ARPC4: variants seen among roughly 807,000 people sequenced by gnomAD.
The protein encoded by ARPC4 is actin related protein 2/3 complex subunit 4.
ARPC4 carries 3 observed loss-of-function variants against 22.8 expected under a neutral mutation model. The ratio of observed to expected loss-of-function variants is 0.13; its 90% CI spans 0.06 to 0.34. The LOEUF is 0.34. Ranked by LOEUF, ARPC4 falls within the 10% of genes least tolerant of loss-of-function variation. ARPC4 has a pLI of 1.00. For missense variants in ARPC4, 98 were observed against 211.0 expected, an observed-to-expected ratio of 0.46 and a Z score of 3.32; for synonymous variants, 80 against 72.5, an observed-to-expected ratio of 1.10 and a Z score of -0.52.
Position 9,800,182 on chromosome 3 carries a change from C to G in ARPC4, c.123-3C>G. On this transcript the variant is annotated splice_region_variant and splice_polypyrimidine_tract_variant and intron_variant, in intron 2 of 5. Transcript: ENST00000397261. ...CAAGTACTCTGTCACATTATGTTTTCAGGAGTAGCAAAGAGCTCCTGTTAC... is the reference window on the plus strand; with the variant it reads ...CAAGTACTCTGTCACATTATGTTTTGAGGAGTAGCAAAGAGCTCCTGTTAC... The G allele has an allele frequency of 6.2e-7, 1 of 1,613,894 alleles. No homozygotes were observed. The highest frequency in any genetic ancestry group is 8.5e-7 in the Non-Finnish European group (1 of 1,179,912).
intron 4 of ARPC4, 143 bp downstream of exon 4, chr3:9,801,899 A>G (rs1284820782): frequency 3.3e-6 from 3 of 902,512 alleles, no homozygotes; most frequent in Non-Finnish European, 4.9e-6. Context: ...AGTGGGAGCA[A>G]AGAGGATTAG....
chr3:9,804,445 A>G (rs2079069757), intron 5 of ARPC4, among the ~76,000 whole-genome samples: 1 of 152,228 alleles, frequency 6.6e-6, no homozygotes, highest in Non-Finnish European at 1.5e-5. Context: ...TCAGGCTTAA[A>G]TCATGATTCC....
rs114789498 is a variant in ARPC4, at chr3:9,804,508, C to G, written c.501+495C>G. ...GCGTAAGTCCTCCAGATTCCTCTTACGTTGTTTATGTCTTTCTAATTGAAA... is the reference window on the plus strand; with the variant it reads ...GCGTAAGTCCTCCAGATTCCTCTTAGGTTGTTTATGTCTTTCTAATTGAAA... On this transcript the variant is annotated intron_variant, in intron 5 of 5. Transcript: ENST00000397261. Among the ~76,000 whole-genome samples, 418 of 152,320 alleles carry G rather than the reference C, an allele frequency of 2.7e-3. 2 individuals are homozygous for G. Among genetic ancestry groups the G allele is most frequent in the African/African-American group, 9.7e-3 (404 of 41,564 alleles).
chr3:9,797,871 T>A, intron 2 of ARPC4, 94 bp downstream of exon 2: 1 of 1,256,934 alleles, frequency 8.0e-7, no homozygotes, highest in Non-Finnish European at 1.1e-6. Flanking sequence ...CCTGCAGTAG[T>A]CAGGAAAGCT....
chr3:9,803,170 A>T (rs1434332407), intron 4 of ARPC4, among the ~76,000 whole-genome samples: 1 of 152,228 alleles, frequency 6.6e-6, no homozygotes, highest in Non-Finnish European at 1.5e-5. Context: ...GGCGTGAGCC[A>T]CCGCGCCCGG....
intron 4 of ARPC4, among the ~76,000 whole-genome samples, chr3:9,802,415 G>A (rs1177443): frequency 2.1e-5 from 3 of 146,248 alleles, no homozygotes; most frequent in Non-Finnish European, 4.5e-5. Context: ...TCGCTCTGTC[G>A]CCCAGGCTGG....
chr3:9,796,636 C>G (rs1575322228), intron 1 of ARPC4, among the ~76,000 whole-genome samples: 1 of 152,068 alleles, frequency 6.6e-6, no homozygotes, highest in Non-Finnish European at 1.5e-5. Flanking sequence ...AAGCTAATCC[C>G]TCTCCTAAGA....
chr3:9,806,640 C>T lies in ARPC4; in HGVS notation c.*425C>T, dbSNP rs2125653855. 5.1e-6 allele frequency: 1 copy of T among 195,810 alleles called. No individual in the cohort carries two copies. Among genetic ancestry groups the T allele is most frequent in the Middle Eastern group, 2.3e-3 (1 of 430 alleles). 12.1% of individuals were successfully genotyped at this position (195,810 alleles called of 1,614,324 possible). A position where few individuals can be genotyped will look rare whatever the true frequency, so the allele number is the denominator to read the frequency against. ...AGCCAGAAGGCGACTTATTTTTTCT[C>T]TCCTATGCCACCCCAGGTGGGGAGG... On this transcript the variant is annotated 3_prime_UTR_variant, in exon 6 of 6. Transcript: ENST00000397261.
intron 2 of ARPC4, 43 bp downstream of exon 2, chr3:9,797,820 A>G: frequency 4.4e-6 from 7 of 1,583,860 alleles, no homozygotes; most frequent in Non-Finnish European, 6.0e-6. Flanking sequence ...GGTGCAGCAC[A>G]CAGAGATGGC....
intron 1 of ARPC4, among the ~76,000 whole-genome samples, chr3:9,794,323 C>G (rs2078831157): frequency 6.6e-6 from 1 of 152,038 alleles, no homozygotes; most frequent in African/African-American, 2.4e-5. Flanking sequence ...CACGGTGAAA[C>G]CTCTTCTCTA....
Position 9,803,791 on chromosome 3 carries a change from C to T in ARPC4, c.331-52C>T, listed in dbSNP as rs1387038507. 8.3e-6 allele frequency: 13 copies of T among 1,572,206 alleles called. No homozygotes were observed. The East Asian group carries it at 2.5e-4, about 30-fold the overall frequency. On this transcript the variant is annotated intron_variant, in intron 4 of 5. Transcript: ENST00000397261. ...TGACCAGCTCAGTTCCCATGGGGTGCTAATTCTCTCCTGTTCCTTCTCTTC... is the reference window on the plus strand; with the variant it reads ...TGACCAGCTCAGTTCCCATGGGGTGTTAATTCTCTCCTGTTCCTTCTCTTC...
At chr3:9,795,311 A>G (rs764640310) in intron 1 of ARPC4, among the ~76,000 whole-genome samples, 2 of 151,934 alleles carry the variant, frequency 1.3e-5, no homozygotes, top group Non-Finnish European at 1.5e-5. Context: ...TTTCAGTTCC[A>G]TTATCCACTC....
Position 9,793,134 on chromosome 3 carries a change from C to T in ARPC4, c.3+10C>T. 2 of 1,541,608 alleles carry T rather than the reference C, an allele frequency of 1.3e-6. No individual in the cohort carries two copies. Among genetic ancestry groups the T allele is most frequent in the Non-Finnish European group, 1.8e-6 (2 of 1,142,348 alleles). On this transcript the variant is annotated intron_variant, in intron 1 of 5. Coordinates refer to ENST00000397261, the MANE Select transcript of ARPC4 (RefSeq NM_005718.5). ...GCCAGCGCCCGCGATGGTGAGAGAGCCGGGCCCCCGGCCAGGGACCCCCGG... is the reference window on the plus strand; with the variant it reads ...GCCAGCGCCCGCGATGGTGAGAGAGTCGGGCCCCCGGCCAGGGACCCCCGG...
chr3:9,797,165 C>T (rs779204344), intron 1 of ARPC4, among the ~76,000 whole-genome samples: 1 of 152,136 alleles, frequency 6.6e-6, no homozygotes, highest in African/African-American at 2.4e-5. Flanking sequence ...TAGCTCAGTG[C>T]GTGGCAAACA....
At chr3:9,796,199 G>A (rs1216378140) in intron 1 of ARPC4, among the ~76,000 whole-genome samples, 5 of 152,166 alleles carry the variant, frequency 3.3e-5, no homozygotes, top group African/African-American at 1.2e-4. Flanking sequence ...TTCAAGACAA[G>A]CCTGACCAAC....
At chr3:9,800,121 G>A (rs1293662899) in intron 2 of ARPC4, 64 bp from the exon 3 acceptor site, 20 of 1,543,290 alleles carry the variant, frequency 1.3e-5, no homozygotes, top group Non-Finnish European at 1.4e-5. Context: ...CAGGACCTGC[G>A]TGGGGTCACT....
chr3:9,806,510 T>G lies in ARPC4; in HGVS notation c.*295T>G. 1 of 457,578 alleles carries G rather than the reference T, an allele frequency of 2.2e-6. No individual in the cohort carries two copies. Among genetic ancestry groups the G allele is most frequent in the Non-Finnish European group, 3.9e-6 (1 of 259,310 alleles). The allele number at this position is 457,578 out of a possible 1,614,324, so 28.3% of individuals were successfully genotyped here. ...CTGTGCTTGTAGGATACTGTAACCTTTTTGTCTTTTTTTTTTTTTTTTTTT... is the reference window on the plus strand; with the variant it reads ...CTGTGCTTGTAGGATACTGTAACCTGTTTGTCTTTTTTTTTTTTTTTTTTT... On this transcript the variant is annotated 3_prime_UTR_variant, in exon 6 of 6. Transcript: ENST00000397261.
chr3:9,803,060 T>G lies in ARPC4; in HGVS notation c.331-783T>G, dbSNP rs1300276411. Among the ~76,000 whole-genome samples the G allele has an allele frequency of 2.6e-5, 4 of 152,102 alleles. No individual in the cohort carries two copies. The South Asian group carries it at 8.3e-4, about 32-fold the overall frequency. On this transcript the variant is annotated intron_variant, in intron 4 of 5. Transcript: ENST00000397261. ...CACCATTCCCGGCTAATTTTTTGTA[T>G]TTTTAGTAGAGACGGGGTTTCACTG...
upstream of ARPC4, chr3:9,792,560 G>A: frequency 2.4e-6 from 3 of 1,228,516 alleles, no homozygotes; most frequent in East Asian, 3.2e-5. Flanking sequence ...GTGGGAAGAA[G>A]GTGGGCCTCG....
Sources: gnomAD v4.1 joint callset for allele counts (sites outside exome capture counted in the v4.1 genomes callset) on GRCh38, gnomAD v4.1.1 for gene constraint, MANE v1.5 for transcripts, NCBI Gene and HGNC (gene_info 2026-07-23, HGNC 2026-07-21) for gene names.